SEC23B: variants seen among roughly 807,000 people sequenced by gnomAD.
SEC23B encodes the protein protein transport protein Sec23B.
SEC23B carries 77 observed loss-of-function variants against 104.3 expected under a neutral mutation model. The ratio of observed to expected loss-of-function variants is 0.74; its 90% CI spans 0.61 to 0.89. The LOEUF is 0.89. SEC23B is among the 40% of genes least tolerant of loss of function. The pLI is 0.00. For synonymous variants in SEC23B, 338 were observed against 332.5 expected (o/e 1.02, Z -0.18); for missense variants, 885 against 949.4 (o/e 0.93, Z 0.89).
intron 14 of SEC23B, 139 bp from the exon 15 acceptor site, chr20:18,545,817 T>C (rs1374511158): frequency 1.4e-6 from 1 of 699,476 alleles, no homozygotes; most frequent in East Asian, 2.6e-5. Context: ...TGAGAAGTGC[T>C]AGTCTAGGAC....
At chr20:18,518,705 A>G (rs557463562) in intron 4 of SEC23B, among the ~76,000 whole-genome samples, 57 of 150,786 alleles carry the variant, frequency 3.8e-4, no homozygotes, top group Admixed American at 9.4e-4. Context: ...AAAACTGGCC[A>G]TGAGGGACAG....
chr20:18,559,758 A>G (rs2060475254), intron 19 of SEC23B, among the ~76,000 whole-genome samples: 1 of 152,178 alleles, frequency 6.6e-6, no homozygotes, highest in African/African-American at 2.4e-5. Flanking sequence ...GGCATAAGAA[A>G]GCCCAAGGAA....
chr20:18,521,774 GAACA>G (rs1302191840), intron 4 of SEC23B, among the ~76,000 whole-genome samples: 1 of 152,110 alleles, frequency 6.6e-6, no homozygotes, highest in Non-Finnish European at 1.5e-5. Flanking sequence ...GAGACTGAAG[GAACA>G]GACAGGAGAG....
chr20:18,554,826 C>CAAAA (rs34982139), intron 18 of SEC23B, among the ~76,000 whole-genome samples: 6 of 120,248 alleles, frequency 5.0e-5, no homozygotes, highest in Admixed American at 1.7e-4. Flanking sequence ...GACTCCGTCT[C>CAAAA]AAAAAAAAAA....
intron 16 of SEC23B, among the ~76,000 whole-genome samples, chr20:18,549,425 G>A (rs1232630818): frequency 1.3e-5 from 2 of 151,944 alleles, no homozygotes; most frequent in Non-Finnish European, 2.9e-5. Context: ...AAGAAAACAA[G>A]TCTGTACATG....
rs187699090 is a variant in SEC23B, at chr20:18,532,653, A to G, written c.1234-11A>G. The G allele has an allele frequency of 5.1e-5, 81 of 1,601,644 alleles. 3 individuals carry two copies. In the Middle Eastern group the frequency reaches 7.3e-3, roughly 144 times the overall value. ...GATCTTTAACTTTACACTGTCACAT[A>G]TTTGTTATAGACCTCTCGGGAACTG... On this transcript the variant is annotated splice_polypyrimidine_tract_variant and intron_variant, in intron 10 of 19. Coordinates refer to ENST00000650089, the MANE Select transcript of SEC23B (RefSeq NM_006363.6).
At chr20:18,528,706 C>T (rs1245344654) in intron 9 of SEC23B, among the ~76,000 whole-genome samples, 1 of 152,236 alleles carries the variant, frequency 6.6e-6, no homozygotes, top group Non-Finnish European at 1.5e-5. Flanking sequence ...ATGTAGCTAT[C>T]TCAGTAATCC....
rs1600229579 is a variant in SEC23B at position 18,516,340 on chromosome 20, C to G, written c.366+604C>G. 2.0e-5 allele frequency among the ~76,000 whole-genome samples: 3 copies of G among 148,808 alleles called. No homozygotes were observed. The South Asian group carries it at 6.3e-4, about 31-fold the overall frequency. On this transcript the variant is annotated intron_variant, in intron 4 of 19. Transcript: ENST00000650089. ...CAAATATTGGCCTTTGTGAATAATG[C>G]TTCAATGAATATAGCTGTTCAAATA...
chr20:18,516,126 C>T (rs2148889301), intron 4 of SEC23B: 1 of 237,700 alleles, frequency 4.2e-6, no homozygotes, highest in Admixed American at 5.2e-5. Context: ...ACCCACTTCC[C>T]CCTCCCTACT....
chr20:18,517,139 T>C (rs2060036756), intron 4 of SEC23B, among the ~76,000 whole-genome samples: 1 of 152,222 alleles, frequency 6.6e-6, no homozygotes, highest in Admixed American at 6.5e-5. Context: ...TGTGTCCGTG[T>C]GAAGAGACCA....
chr20:18,542,150 G>A, intron 12 of SEC23B, 146 bp from the exon 13 acceptor site: 2 of 791,298 alleles, frequency 2.5e-6, no homozygotes, highest in South Asian at 1.4e-5. Flanking sequence ...GCAGTGAAAT[G>A]TGCAAATCCT....
At position 18,543,182 on chromosome 20, in the gene SEC23B, G is replaced by T; in HGVS notation, c.1665+10G>T. ...ACAACTCATCCGACTGGTAAATTGG[G>T]GACAGTGGCATTAGGTTCAGTCTTG... On this transcript the variant is annotated intron_variant, in intron 14 of 19. Transcript: ENST00000650089. 1.2e-6 allele frequency: 2 copies of T among 1,614,118 alleles called. No homozygotes were observed. Among genetic ancestry groups the T allele is most frequent in the Non-Finnish European group, 1.7e-6 (2 of 1,180,010 alleles).
At chr20:18,518,075 A>G (rs1242383341) in intron 4 of SEC23B, among the ~76,000 whole-genome samples, 4 of 152,136 alleles carry the variant, frequency 2.6e-5, no homozygotes, top group South Asian at 4.1e-4. Flanking sequence ...AAGATTGAGG[A>G]TGGTAAGGGG....
chr20:18,559,077 T>TGGGG (rs11481106), intron 19 of SEC23B, among the ~76,000 whole-genome samples: 5 of 91,036 alleles, frequency 5.5e-5, no homozygotes, highest in Non-Finnish European at 8.4e-5. Flanking sequence ...GGAAGGTGGT[T>TGGGG]GGTGGGGGGG....
chr20:18,554,302 T>G lies in SEC23B; in HGVS notation c.2060T>G (p.Leu687Arg). Residue 687 changes from leucine to arginine, a missense_variant, in exon 18 of 20, where the codon CTG becomes CGG. Physicochemically the swap from Leu to Arg is moderately radical, Grantham distance 102. Transcript: ENST00000650089. ...MPEYENFKHL[L>R]QAPLDDAQEI... Reference sequence around the variant, plus strand: ...GAGTATGAAAACTTCAAGCACCTTCTGCAGGCACCACTGGATGATGCTCAA... The same window carrying G: ...GAGTATGAAAACTTCAAGCACCTTCGGCAGGCACCACTGGATGATGCTCAA... 6.2e-7 allele frequency: 1 copy of G among 1,614,216 alleles called. No individual in the cohort carries two copies. Among genetic ancestry groups the G allele is most frequent in the Non-Finnish European group, 8.5e-7 (1 of 1,180,046 alleles).
At chr20:18,545,689 AG>A (rs1285363639) in intron 14 of SEC23B, among the ~76,000 whole-genome samples, 2 of 152,202 alleles carry the variant, frequency 1.3e-5, no homozygotes, top group Non-Finnish European at 2.9e-5. Flanking sequence ...TTCTCTGGTT[AG>A]GGCAGTCCTC....
At chr20:18,543,308 C>A in intron 14 of SEC23B, 136 bp downstream of exon 14, 1 of 1,094,018 alleles carries the variant, frequency 9.1e-7, no homozygotes, top group African/African-American at 1.6e-5. Flanking sequence ...GCACGCTGGA[C>A]ATTCTGTTAA....
At chr20:18,548,367 T>C (rs1054788448) in intron 15 of SEC23B, among the ~76,000 whole-genome samples, 1 of 152,264 alleles carries the variant, frequency 6.6e-6, no homozygotes, top group Non-Finnish European at 1.5e-5. Flanking sequence ...ATTCCCATTA[T>C]TGAGCAACTG....
intron 19 of SEC23B, among the ~76,000 whole-genome samples, chr20:18,555,828 A>G (rs758626126): frequency 1.3e-5 from 2 of 152,086 alleles, no homozygotes; most frequent in African/African-American, 4.8e-5. Context: ...TTTAAGGTCA[A>G]GATGTGCAGC....
Sources: allele counts gnomAD v4.1 joint callset (sites outside exome capture counted in the v4.1 genomes callset), GRCh38; gene constraint gnomAD v4.1.1; transcripts MANE v1.5; gene names NCBI Gene and HGNC (gene_info 2026-07-23, HGNC 2026-07-21).